Variants in NDC80 observed in about 807,000 individuals in gnomAD.
NDC80 encodes kinetochore protein NDC80 homolog.
A neutral mutation model predicts 89.3 loss-of-function variants in NDC80; 69 were observed. That is an observed-to-expected ratio of 0.77 (90% confidence interval 0.64 to 0.94). The LOEUF is 0.94. Ranked by LOEUF, NDC80 falls within the 40% of genes least tolerant of loss-of-function variation. The pLI is 0.00. For synonymous variants in NDC80, 243 were observed against 255.6 expected (o/e 0.95, Z 0.47); for missense variants, 593 against 739.6 (o/e 0.80, Z 2.30).
chr18:2,603,831 C>T (rs1275259446), intron 13 of NDC80, among the ~76,000 whole-genome samples: 2 of 152,004 alleles, frequency 1.3e-5, no homozygotes, highest in African/African-American at 2.4e-5. Context: ...CAAAAGACTC[C>T]AATAACGGAT....
intron 6 of NDC80, among the ~76,000 whole-genome samples, chr18:2,584,007 G>T (rs1373417102): frequency 3.9e-5 from 6 of 152,084 alleles, no homozygotes; most frequent in Non-Finnish European, 7.4e-5. Flanking sequence ...ATCTTGGCCA[G>T]GTGCAGTGGC....
In NDC80 at chr18:2,612,276, C is replaced by CTTTTTTTTTTTTTTT. The variant is rs55648444; in HGVS notation, c.1791+1434_1791+1448dup. On this transcript the variant is annotated intron_variant, in intron 16 of 16. Coordinates refer to ENST00000261597, the MANE Select transcript of NDC80 (RefSeq NM_006101.3). ...TAGCACCTCTGACTTTCTTTTCTTT[C>CTTTTTTTTTTTTTTT]TTTTTTTTTTTTTTTTTTTTTTTTT... 3.8e-4 allele frequency among the ~76,000 whole-genome samples: 23 copies of CTTTTTTTTTTTTTTT among 60,400 alleles called. 1 individual carries two copies. Among genetic ancestry groups the CTTTTTTTTTTTTTTT allele is most frequent in the South Asian group, 9.3e-4 (1 of 1,074 alleles). The allele number at this position is 60,400 out of a possible 152,430, so 39.6% of individuals were successfully genotyped here.
Position 2,577,886 on chromosome 18 carries a change from A to G in NDC80, c.303+17A>G, listed in dbSNP as rs1395868999. Reference sequence around the variant, plus strand: ...CTCTGTGAGGTACTTTAGGATTTTAATCTAAACTGTGATTGTTGTCATAGG... The same window carrying G: ...CTCTGTGAGGTACTTTAGGATTTTAGTCTAAACTGTGATTGTTGTCATAGG... On this transcript the variant is annotated intron_variant, in intron 4 of 16. Coordinates refer to ENST00000261597, the MANE Select transcript of NDC80 (RefSeq NM_006101.3). 2 of 1,612,608 alleles carry G rather than the reference A, an allele frequency of 1.2e-6. No individual in the cohort carries two copies. The highest frequency in any genetic ancestry group is 1.7e-6 in the Non-Finnish European group (2 of 1,179,162).
At chr18:2,605,453 C>T (rs1453686226) in intron 13 of NDC80, among the ~76,000 whole-genome samples, 1 of 152,020 alleles carries the variant, frequency 6.6e-6, no homozygotes, top group Non-Finnish European at 1.5e-5. Context: ...TGCTTTTGAC[C>T]AACCATGAGA....
At chr18:2,571,824 A>G (rs17535639) in intron 1 of NDC80, 141 bp downstream of exon 1, 25,333 of 152,436 alleles carry the variant, frequency 0.17, 2,518 homozygotes, top group South Asian at 0.29. Context: ...CTCGAGGCCA[A>G]AACTGTGCGA....
At chr18:2,575,191 C>T in intron 3 of NDC80, 125 bp downstream of exon 3, 2 of 727,768 alleles carry the variant, frequency 2.7e-6, no homozygotes, top group Middle Eastern at 2.5e-4. Context: ...TAGTTTTCCT[C>T]TGATTTTAAA....
Position 2,599,000 on chromosome 18 carries a change from A to C in NDC80, c.1222-19A>C. On this transcript the variant is annotated intron_variant, in intron 11 of 16. Transcript: ENST00000261597. ...GAATGGGGCTGCTTTAACATGTCTTATGTGTTCTGTTCTTACAGATTGAAA... is the reference window on the plus strand; with the variant it reads ...GAATGGGGCTGCTTTAACATGTCTTCTGTGTTCTGTTCTTACAGATTGAAA... 1 of 1,569,982 alleles carries C rather than the reference A, an allele frequency of 6.4e-7. No homozygotes were observed. Among genetic ancestry groups the C allele is most frequent in the African/African-American group, 1.4e-5 (1 of 73,076 alleles).
chr18:2,577,593 C>T (rs2072553704), intron 3 of NDC80, among the ~76,000 whole-genome samples, 153 bp from the exon 4 acceptor site: 1 of 152,192 alleles, frequency 6.6e-6, no homozygotes, highest in Non-Finnish European at 1.5e-5. Flanking sequence ...TCGTTATTTG[C>T]TCCTTTTCTC....
intron 16 of NDC80, among the ~76,000 whole-genome samples, chr18:2,615,586 G>T (rs1353132824): frequency 6.6e-6 from 1 of 152,118 alleles, no homozygotes; most frequent in African/African-American, 2.4e-5. Context: ...AGTTTCTTTT[G>T]CTATGTAAGC....
In NDC80 at chr18:2,614,621, G is replaced by GAAAGAAAGAAAGAA. The variant is rs2072772974; in HGVS notation, c.1792-1814_1792-1801dup. ...AGAAAGAAAGAAAGAAAGAAAGAAA[G>GAAAGAAAGAAAGAA]AAAGAAAGAAAGAAAGAAAGAAAGA... is the stretch of plus-strand genomic sequence containing the variant. On this transcript the variant is annotated intron_variant, in intron 16 of 16. Transcript: ENST00000261597. 2.6e-4 allele frequency among the ~76,000 whole-genome samples: 2 copies of GAAAGAAAGAAAGAA among 7,626 alleles called. 1 individual carries two copies. Among genetic ancestry groups the GAAAGAAAGAAAGAA allele is most frequent in the Non-Finnish European group, 4.9e-4 (2 of 4,086 alleles). 5.0% of individuals were successfully genotyped at this position (7,626 alleles called of 152,430 possible).
intron 14 of NDC80, among the ~76,000 whole-genome samples, chr18:2,607,975 A>ATATATATATGTG (rs1555618980): frequency 9.1e-6 from 1 of 109,548 alleles, no homozygotes; most frequent in Non-Finnish European, 2.0e-5. Flanking sequence ...GTATATATAT[A>ATATATATATGTG]TATATATATA....
intron 6 of NDC80, among the ~76,000 whole-genome samples, chr18:2,581,845 C>G (rs1008625944): frequency 5.3e-5 from 8 of 151,796 alleles, no homozygotes; most frequent in Non-Finnish European, 1.2e-4. Flanking sequence ...ATTGTCGTAT[C>G]CTCACTCTCT....
chr18:2,580,411 C>T (rs115834912), intron 6 of NDC80, among the ~76,000 whole-genome samples: 2,367 of 151,764 alleles, frequency 0.016, 63 homozygotes, highest in African/African-American at 0.054. Flanking sequence ...TGCAGTCTCT[C>T]CTTTTGTAGC....
chr18:2,590,048 G>T lies in NDC80; in HGVS notation c.901G>T (p.Ala301Ser). ...TCTAGAGTCGTTGAGAAAACTGAAG[G>T]CTTCCTTACAAGGAGATGTTCAAAA... ...NRLESLRKLK[A>S]SLQGDVQKYQ... Residue 301 changes from alanine (A) to serine (S), a missense_variant, in exon 10 of 17, where the codon GCT (alanine) becomes TCT (serine). Transcript: ENST00000261597. 1 of 1,605,916 alleles carries T rather than the reference G, an allele frequency of 6.2e-7. No homozygotes were observed. The highest frequency in any genetic ancestry group is 8.5e-7 in the Non-Finnish European group (1 of 1,176,332).
In NDC80 at chr18:2,610,948, A is replaced by G. The variant is rs368922890; in HGVS notation, c.1791+87A>G. ...TGCTTTCTTCCATATAAATTAAATG[A>G]TGAATTTTATTTCTATTTAAAGTAT... On this transcript the variant is annotated intron_variant, in intron 16 of 16. Coordinates refer to ENST00000261597, the MANE Select transcript of NDC80 (RefSeq NM_006101.3). 1.5e-5 allele frequency: 12 copies of G among 816,872 alleles called. No individual in the cohort carries two copies. The South Asian group carries it at 3.2e-4, about 22-fold the overall frequency. 50.6% of individuals were successfully genotyped at this position (816,872 alleles called of 1,614,324 possible).
At chr18:2,578,188 A>T (rs2072557706) in intron 5 of NDC80, 47 bp downstream of exon 5, 2 of 1,518,340 alleles carry the variant, frequency 1.3e-6, no homozygotes, top group Admixed American at 2.0e-5. Flanking sequence ...GCACACAGAG[A>T]TGAAACAAAT....
At chr18:2,573,147 A>T (rs778113490) in intron 2 of NDC80, 61 bp downstream of exon 2, 17 of 1,323,320 alleles carry the variant, frequency 1.3e-5, no homozygotes, top group Non-Finnish European at 1.8e-5. Flanking sequence ...AAGAAATCAT[A>T]AGAAATAGTT....
At chr18:2,597,286 G>T (rs1470136984) in intron 11 of NDC80, among the ~76,000 whole-genome samples, 1 of 152,152 alleles carries the variant, frequency 6.6e-6, no homozygotes, top group Admixed American at 6.5e-5. Flanking sequence ...GACTCTTCTT[G>T]TTTAGAAGTT....
chr18:2,614,214 G>A (rs181134331), intron 16 of NDC80, among the ~76,000 whole-genome samples: 309 of 152,152 alleles, frequency 2.0e-3, no homozygotes, highest in African/African-American at 6.8e-3. Context: ...CAAGGCTGGC[G>A]GATCACAAGG....
Sources: allele counts gnomAD v4.1 joint callset (sites outside exome capture counted in the v4.1 genomes callset), GRCh38; gene constraint gnomAD v4.1.1; transcripts MANE v1.5; gene names NCBI Gene and HGNC (gene_info 2026-07-23, HGNC 2026-07-21).